Variants in KRT75 observed in about 807,000 individuals in gnomAD.
The protein encoded by KRT75 is keratin 75, also known as keratin, type II cytoskeletal 75.
Under a neutral mutation model 48.8 loss-of-function variants are expected in KRT75, and 35 were observed. The observed-to-expected ratio is 0.72, with a 90% CI of 0.55 to 0.95. The LOEUF (loss-of-function observed/expected upper bound fraction) is 0.95. Among genes scored for constraint, KRT75 ranks in the 40% least tolerant of loss-of-function variants. The probability of loss-of-function intolerance (pLI) is 0.00; values close to 1 mark genes in which losing one functional copy is unlikely to be tolerated. For synonymous variants in KRT75, 301 were observed against 282.3 expected (o/e 1.07, Z -0.66); for missense variants, 776 against 709.9 (o/e 1.09, Z -1.06).
chr12:52,432,131 G>A, intron 2 of KRT75, 65 bp from the exon 3 acceptor site: 1 of 1,532,284 alleles, frequency 6.5e-7, no homozygotes, highest in Non-Finnish European at 9.0e-7. Context: ...CCAGGCTGGT[G>A]TAGCAAGAGT....
At chr12:52,432,597 G>T (rs923707185) in intron 2 of KRT75, among the ~76,000 whole-genome samples, 2 of 152,148 alleles carry the variant, frequency 1.3e-5, no homozygotes, top group African/African-American at 2.4e-5. Context: ...TGGATGATGT[G>T]CAGTCAAAAG....
Position 52,426,924 on chromosome 12 carries a change from T to G in KRT75, c.1383-73A>C, listed in dbSNP as rs890559779. 1.5e-5 allele frequency: 18 copies of G among 1,239,322 alleles called. No homozygotes were observed. The African/African-American group carries it at 2.7e-4, about 18-fold the overall frequency. The allele number at this position is 1,239,322 out of a possible 1,614,324, so 76.8% of individuals were successfully genotyped here. A position where few individuals can be genotyped will look rare whatever the true frequency, so the allele number is the denominator to read the frequency against. Reference sequence around the variant, plus strand: ...GCTTAAGGGCCTTTGCAATGACACTTTTGTAATTGTTGACAAAGCATTTAA... The same window carrying G: ...GCTTAAGGGCCTTTGCAATGACACTGTTGTAATTGTTGACAAAGCATTTAA... On this transcript the variant is annotated intron_variant, in intron 7 of 8. Transcript: ENST00000252245.
Position 52,434,108 on chromosome 12 carries a change from C to A in KRT75, c.197G>T (p.Gly66Val), listed in dbSNP as rs780966780. ...SFGSRSLYNL[G>V]GAKRVSINGC... ...ATTGATGGAGACCCGCTTGGCACCCCCCAGGTTGTAGAGGCTGCGGCTTCC... is the reference window on the plus strand; with the variant it reads ...ATTGATGGAGACCCGCTTGGCACCCACCAGGTTGTAGAGGCTGCGGCTTCC... Residue 66 changes from glycine (G) to valine (V), a missense_variant, in exon 1 of 9, where the codon GGG (glycine) becomes GTG (valine). Transcript: ENST00000252245. 6.2e-7 allele frequency: 1 copy of A among 1,614,202 alleles called. No individual in the cohort carries two copies. The highest frequency in any genetic ancestry group is 1.1e-5 in the South Asian group (1 of 91,076).
Position 52,424,675 on chromosome 12 carries a change from T to C in KRT75, c.1498A>G (p.Ser500Gly). 1.2e-6 allele frequency: 2 copies of C among 1,614,056 alleles called. No individual in the cohort carries two copies. The highest frequency in any genetic ancestry group is 1.7e-6 in the Non-Finnish European group (2 of 1,179,970). Residue 500 changes from serine (S) to glycine (G), a missense_variant, in exon 9 of 9, where the codon AGC becomes GGC. Physicochemically the swap from Ser to Gly is moderately conservative, Grantham distance 56 (BLOSUM62 0). Transcript: ENST00000252245. ...CCACTGGTGGTGAAGGAGTAGCCGC[T>C]GCCCCCACCGAGGCCCAGGTTTCCA... is the stretch of plus-strand genomic sequence containing the variant. ...GGGNLGLGGG[S>G]GYSFTTSGGH... is the part of the protein sequence containing the mutation.
In KRT75 at chr12:52,432,082, G is replaced by A. The variant is rs750883492; in HGVS notation, c.714-16C>T. 109 of 1,613,140 alleles carry A rather than the reference G, an allele frequency of 6.8e-5. No individual in the cohort carries two copies. The Admixed American group carries it at 7.0e-4, about 10-fold the overall frequency. Reference sequence around the variant, plus strand: ...ATCTTCGTACCTATAAGGACAGAGCGGGGGGTGTGCTGTTGAGCAAGTCTG... The same window carrying A: ...ATCTTCGTACCTATAAGGACAGAGCAGGGGGTGTGCTGTTGAGCAAGTCTG... On this transcript the variant is annotated splice_polypyrimidine_tract_variant and intron_variant, in intron 2 of 8. Coordinates refer to ENST00000252245, the MANE Select transcript of KRT75 (RefSeq NM_004693.3).
chr12:52,424,621 C>G lies in KRT75; in HGVS notation c.1552G>C (p.Gly518Arg), dbSNP rs1940054103. The change falls in exon 9 of 9, where the codon GGT becomes CGT. Residue 518 changes from glycine (G) to arginine (R), a missense_variant. Transcript: ENST00000252245. ...TTGCTGGTGGCACTGAATCCAGAAC[C>G]TCCCAGGCCTGCACCCAGGCTATGC... ...GGHSLGAGLGGSGFSATSNRG... is the reference protein window; with the variant it reads ...GGHSLGAGLGRSGFSATSNRG... The G allele has an allele frequency of 1.9e-6, 3 of 1,614,196 alleles. No individual in the cohort carries two copies. Among genetic ancestry groups the G allele is most frequent in the East Asian group, 2.2e-5 (1 of 44,872 alleles).
chr12:52,424,392 C>T lies in KRT75; in HGVS notation c.*125G>A. On this transcript the variant is annotated 3_prime_UTR_variant, in exon 9 of 9. Transcript: ENST00000252245. ...GCTTAGGCCTGGGAATGGGTATAGC[C>T]AGTACTCCAGGCTCCCAGCAGCACA... 1.1e-6 allele frequency: 1 copy of T among 928,190 alleles called. No homozygotes were observed. The highest frequency in any genetic ancestry group is 1.8e-6 in the Non-Finnish European group (1 of 559,148). 57.5% of individuals were successfully genotyped at this position (928,190 alleles called of 1,614,324 possible). A position where few individuals can be genotyped will look rare whatever the true frequency, so the allele number is the denominator to read the frequency against.
chr12:52,428,658 A>T lies in KRT75; in HGVS notation c.1121T>A (p.Ile374Asn), dbSNP rs1183472252. The T allele has an allele frequency of 9.3e-6, 15 of 1,614,176 alleles. No homozygotes were observed. The highest frequency in any genetic ancestry group is 1.3e-5 in the Non-Finnish European group (15 of 1,180,034). The change falls in exon 6 of 9, where the codon ATC becomes AAC. Residue 374 changes from isoleucine (I) to asparagine (N), a missense_variant. Ile to Asn is a moderately radical substitution (Grantham distance 149, BLOSUM62 -3). Coordinates refer to ENST00000252245, the MANE Select transcript of KRT75 (RefSeq NM_004693.3). Reference protein sequence around the residue: ...KQEISEMNRMIQRLRAEIDSV... With the variant: ...KQEISEMNRMNQRLRAEIDSV... ...GTCAATCTCAGCTCTCAGCCTCTGGATCATGCGGTTCATTTCAGAGATCTC... is the reference window on the plus strand; with the variant it reads ...GTCAATCTCAGCTCTCAGCCTCTGGTTCATGCGGTTCATTTCAGAGATCTC...
chr12:52,429,102 C>T (rs949257036), intron 5 of KRT75, among the ~76,000 whole-genome samples: 3 of 152,064 alleles, frequency 2.0e-5, no homozygotes, highest in Non-Finnish European at 1.5e-5. Flanking sequence ...CCTAAGTGAC[C>T]AGTTGTGGGG....
intron 5 of KRT75, among the ~76,000 whole-genome samples, chr12:52,429,622 T>G (rs1231199573): frequency 6.6e-6 from 1 of 152,160 alleles, no homozygotes; most frequent in Non-Finnish European, 1.5e-5. Context: ...GAGGAATCGT[T>G]TGCTATCGAT....
At chr12:52,432,154 A>G (rs1940154060) in intron 2 of KRT75, 88 bp from the exon 3 acceptor site, 3 of 1,300,894 alleles carry the variant, frequency 2.3e-6, no homozygotes, top group Admixed American at 3.5e-5. Flanking sequence ...AGAGCCCTCA[A>G]ATCATTTCCA....
rs543738510 is a variant in KRT75 at position 52,433,128 on chromosome 12, C to T, written c.623G>A (p.Arg208Gln). The T allele has an allele frequency of 2.0e-5, 32 of 1,613,844 alleles. No homozygotes were observed. Among genetic ancestry groups the T allele is most frequent in the Non-Finnish European group, 2.2e-5 (26 of 1,179,968 alleles). Residue 208 changes from arginine (R) to glutamine (Q), a missense_variant, in exon 2 of 9, where the codon CGA becomes CAA. By Grantham distance (43) the Arg-to-Gln change is conservative. Coordinates refer to ENST00000252245, the MANE Select transcript of KRT75 (RefSeq NM_004693.3). Reference sequence around the variant, plus strand: ...GGTGGTGATGCTTTCCAGCTGCCGTCGGAGCTCACTGGTATAGGAATCAAA... The same window carrying T: ...GGTGGTGATGCTTTCCAGCTGCCGTTGGAGCTCACTGGTATAGGAATCAAA... ...PLFDSYTSELRRQLESITTER... is the reference protein window; with the variant it reads ...PLFDSYTSELQRQLESITTER...
chr12:52,433,671 G>T, intron 1 of KRT75, 136 bp downstream of exon 1: 1 of 1,385,476 alleles, frequency 7.2e-7, no homozygotes, highest in Non-Finnish European at 1.0e-6. Flanking sequence ...AAGGGTCTCA[G>T]CCCCTGGGAG....
At position 52,433,015 on chromosome 12, in the gene KRT75, C is replaced by T. The variant is rs762015441; in HGVS notation, c.713+23G>A. 1.2e-5 allele frequency: 20 copies of T among 1,611,744 alleles called. No individual in the cohort carries two copies. In the Admixed American group the frequency reaches 2.5e-4, roughly 20 times the overall value. On this transcript the variant is annotated intron_variant, in intron 2 of 8. Transcript: ENST00000252245. ...GGAGCCTTCAGATGGCTGTGTGTGGCCAGAAGCCAGTCTCCCACTTACCTG... is the reference window on the plus strand; with the variant it reads ...GGAGCCTTCAGATGGCTGTGTGTGGTCAGAAGCCAGTCTCCCACTTACCTG...
chr12:52,433,901 T>G lies in KRT75; in HGVS notation c.404A>C (p.His135Pro). The G allele has an allele frequency of 8.1e-6, 13 of 1,614,022 alleles. No homozygotes were observed. The highest frequency in any genetic ancestry group is 1.0e-5 in the Non-Finnish European group (12 of 1,179,986). Residue 135 changes from histidine to proline, a missense_variant, in exon 1 of 9, where the codon CAC becomes CCC. Physicochemically the swap from His to Pro is moderately conservative, Grantham distance 77 (BLOSUM62 -2). Transcript: ENST00000252245. ...CTGGATGGTGGGGTCGATTTGCAGG[T>G]GAAGAGGAGTCAGGAGACTCTGGTT... ...TVNQSLLTPL[H>P]LQIDPTIQRV...
At chr12:52,431,923 G>C (rs1481463235) in intron 3 of KRT75, 83 bp downstream of exon 3, 35 of 1,298,246 alleles carry the variant, frequency 2.7e-5, no homozygotes, top group Non-Finnish European at 3.9e-5. Flanking sequence ...TTTCTTGGGT[G>C]GCCCAAGGGT....
Position 52,426,931 on chromosome 12 carries a change from T to C in KRT75, c.1383-80A>G, listed in dbSNP as rs112764948. On this transcript the variant is annotated intron_variant, in intron 7 of 8. Transcript: ENST00000252245. The stretch of plus-strand genomic sequence containing the variant: ...GGCCTTTGCAATGACACTTTTGTAA[T>C]TGTTGACAAAGCATTTAAACATACT... 718 of 1,209,918 alleles carry C rather than the reference T, an allele frequency of 5.9e-4. 7 individuals are homozygous for C. In the African/African-American group the frequency reaches 8.5e-3, roughly 14 times the overall value. 74.9% of individuals were successfully genotyped at this position (1,209,918 alleles called of 1,614,324 possible).
At chr12:52,430,821 C>A (rs1940135803) in intron 4 of KRT75, 116 bp from the exon 5 acceptor site, 2 of 1,127,804 alleles carry the variant, frequency 1.8e-6, no homozygotes, top group Non-Finnish European at 2.7e-6. Flanking sequence ...GCAGATTCTC[C>A]CAGCTATTCC....
intron 3 of KRT75, 67 bp downstream of exon 3, chr12:52,431,939 G>T: frequency 6.7e-7 from 1 of 1,503,068 alleles, no homozygotes; most frequent in South Asian, 1.1e-5. Flanking sequence ...AGGGTCAGAG[G>T]TCAGGTTACC....
Sources: allele counts gnomAD v4.1 joint callset (sites outside exome capture counted in the v4.1 genomes callset), GRCh38; gene constraint gnomAD v4.1.1; transcripts MANE v1.5; gene names NCBI Gene and HGNC (gene_info 2026-07-23, HGNC 2026-07-21).